The following LRP1B variants were observed in gnomAD, a reference collection of about 807,000 sequenced individuals.
The protein encoded by LRP1B is LDL receptor related protein 1B.
LRP1B carries 217 observed loss-of-function variants against 556.6 expected under a neutral mutation model. That is an observed-to-expected ratio of 0.39 (90% CI 0.35 to 0.44). The LOEUF (loss-of-function observed/expected upper bound fraction) is 0.44, where lower values mean the gene tolerates loss of function less well. Among genes scored for constraint, LRP1B ranks in the 20% least tolerant of loss-of-function variants. The pLI, the probability that LRP1B is intolerant of heterozygous loss-of-function variation, is 1.00. For synonymous variants in LRP1B, 2,047 were observed against 1,865.8 expected, an observed-to-expected ratio of 1.10 and a Z score of -2.50; for missense variants, 5,053 against 5,620.8, an observed-to-expected ratio of 0.90 and a Z score of 3.23.
intron 1 of LRP1B, among the ~76,000 whole-genome samples, chr2:142,038,833 G>A (rs1703970816): frequency 6.6e-6 from 1 of 151,494 alleles, no homozygotes; most frequent in Admixed American, 6.6e-5. Flanking sequence ...ATCAGTTTTG[G>A]TGTTCATCTA....
intron 20 of LRP1B, among the ~76,000 whole-genome samples, chr2:140,945,634 G>A (rs113362781): frequency 2.7e-3 from 404 of 152,180 alleles, no homozygotes; most frequent in African/African-American, 8.9e-3. Context: ...AATAAATGGC[G>A]TTGGGAGCAT....
chr2:141,906,448 T>A (rs1338657344), intron 1 of LRP1B, among the ~76,000 whole-genome samples: 3 of 151,998 alleles, frequency 2.0e-5, no homozygotes, highest in African/African-American at 7.2e-5. Context: ...CGAAGAAAGT[T>A]TTGATAACCT....
At chr2:141,240,189 G>A (rs1683811600) in intron 5 of LRP1B, among the ~76,000 whole-genome samples, 1 of 152,126 alleles carries the variant, frequency 6.6e-6, no homozygotes, top group Non-Finnish European at 1.5e-5. Context: ...CCTGATTAGG[G>A]GAAATATGTG....
At chr2:140,802,840 G>T (rs1416281492) in intron 32 of LRP1B, among the ~76,000 whole-genome samples, 1 of 152,120 alleles carries the variant, frequency 6.6e-6, no homozygotes, top group Non-Finnish European at 1.5e-5. Context: ...ACCCTCAAAG[G>T]TGCAGTTTTC....
intron 43 of LRP1B, among the ~76,000 whole-genome samples, chr2:140,560,992 G>A (rs1288479094): frequency 2.0e-5 from 3 of 152,208 alleles, no homozygotes; most frequent in South Asian, 2.1e-4. Context: ...ACAATACCCC[G>A]AAGTGAAGAC....
chr2:140,269,529 T>C (rs7579083), intron 86 of LRP1B: 146,542 of 369,480 alleles, frequency 0.4, 31,300 homozygotes, highest in African/African-American at 0.61. Flanking sequence ...ACTCATCACA[T>C]GCTACTCTGA....
At chr2:140,501,954 A>G (rs1327265192) in intron 54 of LRP1B, 80 bp from the exon 55 acceptor site, 1 of 965,134 alleles carries the variant, frequency 1.0e-6, no homozygotes, top group African/African-American at 1.7e-5. Flanking sequence ...ATTCACAAAT[A>G]TCATTAACTC....
chr2:141,997,597 C>T (rs963770311), intron 1 of LRP1B, among the ~76,000 whole-genome samples: 1 of 150,530 alleles, frequency 6.6e-6, no homozygotes, highest in African/African-American at 2.4e-5. Context: ...ATTCTCCCAT[C>T]TCAACCTCCC....
chr2:140,601,308 A>T (rs1574129171), intron 42 of LRP1B, 142 bp downstream of exon 42: 2 of 163,646 alleles, frequency 1.2e-5, no homozygotes, highest in Non-Finnish European at 9.0e-6. Flanking sequence ...GCTCTTACAT[A>T]AAAAAAAAAG....
chr2:140,444,677 C>A lies in LRP1B; in HGVS notation c.10060G>T (p.Glu3354Ter). 1 of 1,597,522 alleles carries A rather than the reference C, an allele frequency of 6.3e-7. No homozygotes were observed. The highest frequency in any genetic ancestry group is 1.1e-5 in the South Asian group (1 of 90,668). ...DGSDEPDDCP[E>*]FRCQPGRFQC... Reference sequence around the variant, plus strand: ...AATCGGCCTGGCTGACATCTAAATTCAGCTAGGGGAGAAAGCATAGATATT... The same window carrying A: ...AATCGGCCTGGCTGACATCTAAATTAAGCTAGGGGAGAAAGCATAGATATT... Residue 3354 changes from glutamate to a stop codon, truncating the protein, a stop_gained and splice_region_variant, in exon 64 of 91, where the codon GAA (glutamate) becomes TAA (stop). Coordinates refer to ENST00000389484, the MANE Select transcript of LRP1B (RefSeq NM_018557.3). LOFTEE classifies it high-confidence loss of function.
chr2:141,799,423 G>A (rs545889109), intron 2 of LRP1B, among the ~76,000 whole-genome samples: 1 of 152,228 alleles, frequency 6.6e-6, no homozygotes, highest in South Asian at 2.1e-4. Context: ...GTTTGAAAAT[G>A]GAGGGGTTGC....
At chr2:140,779,506 C>A (rs1474638080) in intron 32 of LRP1B, among the ~76,000 whole-genome samples, 1 of 151,788 alleles carries the variant, frequency 6.6e-6, no homozygotes, top group African/African-American at 2.4e-5. Context: ...GCCAGCCTGA[C>A]CAACATGGTG....
chr2:140,512,885 G>A (rs1297088680), intron 51 of LRP1B, among the ~76,000 whole-genome samples: 1 of 152,092 alleles, frequency 6.6e-6, no homozygotes, highest in Non-Finnish European at 1.5e-5. Flanking sequence ...TCAGTTCATT[G>A]GCTGATGATT....
chr2:141,127,630 C>T lies in LRP1B; in HGVS notation c.1013+60791G>A, dbSNP rs756341248. On this transcript the variant is annotated intron_variant, in intron 7 of 90. Coordinates refer to ENST00000389484, the MANE Select transcript of LRP1B (RefSeq NM_018557.3). ...ATTTTCAGCTGTCCTACATCTCCTCCTCTGCACACTTAATTCTCTTCAATG... is the reference window on the plus strand; with the variant it reads ...ATTTTCAGCTGTCCTACATCTCCTCTTCTGCACACTTAATTCTCTTCAATG... 3.9e-5 allele frequency among the ~76,000 whole-genome samples: 6 copies of T among 152,162 alleles called. 1 individual carries two copies. Among genetic ancestry groups the T allele is most frequent in the African/African-American group, 7.2e-5 (3 of 41,426 alleles).
At chr2:140,378,341 A>G in intron 67 of LRP1B, 55 bp from the exon 68 acceptor site, 1 of 918,386 alleles carries the variant, frequency 1.1e-6, no homozygotes, top group Non-Finnish European at 1.8e-6. Flanking sequence ...TGCATTGTAA[A>G]ATTTATATGA....
At chr2:140,677,586 C>A (rs1685714951) in intron 41 of LRP1B, among the ~76,000 whole-genome samples, 2 of 151,864 alleles carry the variant, frequency 1.3e-5, no homozygotes, top group Non-Finnish European at 2.9e-5. Context: ...TAATAGCCAA[C>A]ATTAGGCCAG....
At position 140,845,488 on chromosome 2, in the gene LRP1B, C is replaced by T. The variant is rs535492192; in HGVS notation, c.4940-4396G>A. Among the ~76,000 whole-genome samples, 17 of 151,688 alleles carry T rather than the reference C, an allele frequency of 1.1e-4. No homozygotes were observed. In the East Asian group the frequency reaches 2.5e-3, roughly 22 times the overall value. ...TCACACTTCCCATTAAGTTCATCCT[C>T]GTAACAGAACAAAAAAAATTAAAAC... On this transcript the variant is annotated intron_variant, in intron 29 of 90. Transcript: ENST00000389484.
chr2:141,521,482 A>AT lies in LRP1B; in HGVS notation c.206-40950_206-40949insA, dbSNP rs536988073. Among the ~76,000 whole-genome samples, 25 of 150,132 alleles carry AT rather than the reference A, an allele frequency of 1.7e-4. No individual in the cohort carries two copies. In the East Asian group the frequency reaches 4.2e-3, roughly 25 times the overall value. On this transcript the variant is annotated intron_variant, in intron 2 of 90. Transcript: ENST00000389484. ...AGGATCCATAGTGTAAAAAACTAAG[A>AT]AAATTGGAGAAATTTTCATCTTTAC...
intron 2 of LRP1B, among the ~76,000 whole-genome samples, chr2:141,547,620 T>C (rs182641209): frequency 6.6e-6 from 1 of 152,262 alleles, no homozygotes; most frequent in Admixed American, 6.5e-5. Flanking sequence ...TGAGCATTTT[T>C]CAAGGACAAT....
Sources: allele counts gnomAD v4.1 joint callset (sites outside exome capture counted in the v4.1 genomes callset), GRCh38; gene constraint gnomAD v4.1.1; transcripts MANE v1.5; gene names NCBI Gene and HGNC (gene_info 2026-07-23, HGNC 2026-07-21).